Variants in CACHD1 observed in about 807,000 individuals in gnomAD.
CACHD1 encodes VWFA and cache domain-containing protein 1.
CACHD1 carries 71 observed loss-of-function variants against 138.7 expected under a neutral mutation model. The observed-to-expected ratio is 0.51, with a 90% CI of 0.42 to 0.62. The LOEUF (loss-of-function observed/expected upper bound fraction) is 0.62. Ranked by LOEUF, CACHD1 falls within the 20% of genes least tolerant of loss-of-function variation. The pLI is 0.00. For synonymous variants in CACHD1, 578 were observed against 591.5 expected, an observed-to-expected ratio of 0.98 and a Z score of 0.33; for missense variants, 1,389 against 1,625.3, an observed-to-expected ratio of 0.85 and a Z score of 2.50.
chr1:64,632,351 T>C (rs754731587), intron 5 of CACHD1, among the ~76,000 whole-genome samples: 4 of 152,068 alleles, frequency 2.6e-5, no homozygotes, highest in Non-Finnish European at 5.9e-5. Context: ...AAAACTTCTC[T>C]TGTCTGCTTT....
chr1:64,500,350 A>G (rs577843304), intron 1 of CACHD1, among the ~76,000 whole-genome samples: 12 of 152,298 alleles, frequency 7.9e-5, no homozygotes, highest in African/African-American at 1.7e-4. Flanking sequence ...TGTCTTCAAC[A>G]TATGTGCCTG....
intron 7 of CACHD1, among the ~76,000 whole-genome samples, chr1:64,635,145 C>G (rs1312284824): frequency 6.6e-6 from 1 of 152,026 alleles, no homozygotes; most frequent in Non-Finnish European, 1.5e-5. Context: ...TAGAGCCTCC[C>G]CTTCCTGCCC....
At chr1:64,582,072 C>A in intron 2 of CACHD1, 84 bp from the exon 3 acceptor site, 1 of 1,431,200 alleles carries the variant, frequency 7.0e-7, no homozygotes, top group Non-Finnish European at 9.6e-7. Context: ...CAGCTTGTGA[C>A]ACAGATTACT....
At chr1:64,534,082 T>C (rs307793) in intron 1 of CACHD1, among the ~76,000 whole-genome samples, 124,815 of 144,810 alleles carry the variant, frequency 0.86, 54,003 homozygotes, top group Admixed American at 0.91. Flanking sequence ...CTCACTCTGT[T>C]ACCCAGGCTG....
intron 1 of CACHD1, among the ~76,000 whole-genome samples, chr1:64,530,575 T>C (rs1432571352): frequency 6.6e-6 from 1 of 152,050 alleles, no homozygotes; most frequent in South Asian, 2.1e-4. Context: ...GAATGGTTAC[T>C]TAAAAGGAAT....
At chr1:64,471,852 C>A (rs903721347) in intron 1 of CACHD1, among the ~76,000 whole-genome samples, 3 of 152,118 alleles carry the variant, frequency 2.0e-5, no homozygotes, top group African/African-American at 7.2e-5. Flanking sequence ...TCACGACCAA[C>A]AGTAGTAAAA....
chr1:64,588,452 C>T (rs934969333), intron 3 of CACHD1, among the ~76,000 whole-genome samples: 7 of 150,360 alleles, frequency 4.7e-5, no homozygotes, highest in African/African-American at 1.7e-4. Flanking sequence ...GACAGAGTCT[C>T]GCTCTGTTGT....
At chr1:64,544,769 A>G (rs912520386) in intron 1 of CACHD1, among the ~76,000 whole-genome samples, 5 of 152,180 alleles carry the variant, frequency 3.3e-5, no homozygotes, top group African/African-American at 4.8e-5. Flanking sequence ...TTAGGGAATA[A>G]AAGAAAGGAA....
chr1:64,636,063 A>G (rs1373810158), intron 7 of CACHD1, among the ~76,000 whole-genome samples: 1 of 151,646 alleles, frequency 6.6e-6, no homozygotes, highest in Non-Finnish European at 1.5e-5. Context: ...GTGAGCCAAG[A>G]TTGCGCCACT....
chr1:64,673,691 T>G (rs546322592), intron 19 of CACHD1, among the ~76,000 whole-genome samples: 1 of 152,312 alleles, frequency 6.6e-6, no homozygotes, highest in African/African-American at 2.4e-5. Context: ...GTTGGTATTT[T>G]GTTTTGGTTT....
intron 1 of CACHD1, among the ~76,000 whole-genome samples, chr1:64,523,106 A>G (rs1011394749): frequency 1.3e-5 from 2 of 152,220 alleles, no homozygotes; most frequent in Non-Finnish European, 2.9e-5. Flanking sequence ...GAAATTCTGG[A>G]ATTGCTATTA....
chr1:64,658,182 G>A (rs1223916945), intron 12 of CACHD1, among the ~76,000 whole-genome samples: 1 of 152,222 alleles, frequency 6.6e-6, no homozygotes, highest in East Asian at 1.9e-4. Flanking sequence ...CCAACCAGGA[G>A]AAGAGAAAGC....
chr1:64,515,921 G>A (rs1368828617), intron 1 of CACHD1, among the ~76,000 whole-genome samples: 3 of 152,120 alleles, frequency 2.0e-5, no homozygotes, highest in African/African-American at 4.8e-5. Flanking sequence ...TAAACTTGAA[G>A]CATGTATAAA....
In CACHD1 at chr1:64,470,565, G is replaced by T. The variant is rs1646136795; in HGVS notation, c.-180G>T. 6.6e-6 allele frequency among the ~76,000 whole-genome samples: 1 copy of T among 151,804 alleles called. No individual in the cohort carries two copies. Among genetic ancestry groups the T allele is most frequent in the African/African-American group, 2.4e-5 (1 of 41,390 alleles). On this transcript the variant is annotated 5_prime_UTR_variant, in exon 1 of 27. Coordinates refer to ENST00000651257, the MANE Select transcript of CACHD1 (RefSeq NM_020925.4). This position sits in a 1 kb window ranked among gnomAD's most constrained non-coding sequence, Gnocchi z 5.2. ...GAGCCCCGCGATGGTGGCCGCCCGC[G>T]CTCCCGCGCTGTAGCCGGGCGCCCC...
At chr1:64,482,044 C>G (rs1018893738) in intron 1 of CACHD1, among the ~76,000 whole-genome samples, 1 of 152,094 alleles carries the variant, frequency 6.6e-6, no homozygotes, top group Non-Finnish European at 1.5e-5. Context: ...TATATCATCT[C>G]TGATATAAAT....
intron 3 of CACHD1, among the ~76,000 whole-genome samples, chr1:64,595,696 G>A (rs1380396001): frequency 6.6e-6 from 1 of 152,226 alleles, no homozygotes; most frequent in Non-Finnish European, 1.5e-5. Flanking sequence ...AATTTTCCAA[G>A]CTTTTATGAG....
intron 2 of CACHD1, among the ~76,000 whole-genome samples, chr1:64,564,894 G>A (rs1274217158): frequency 2.0e-5 from 3 of 152,130 alleles, no homozygotes; most frequent in African/African-American, 7.2e-5. Context: ...CTTGAATTGT[G>A]TACTGAGCCA....
chr1:64,675,702 G>A (rs1649963073), intron 20 of CACHD1, 141 bp downstream of exon 20: 2 of 1,082,356 alleles, frequency 1.8e-6, no homozygotes, highest in Non-Finnish European at 2.7e-6. Context: ...GCCACTTAGA[G>A]CTGTGCCGTT....
Position 64,604,520 on chromosome 1 carries a change from A to G in CACHD1, c.517+1608A>G, listed in dbSNP as rs570353275. ...TAAAACATTCCCAGGTACATGAGAG[A>G]TGTTGCTTGTTCTGAAGACTTGAGG... On this transcript the variant is annotated intron_variant, in intron 4 of 26. Coordinates refer to ENST00000651257, the MANE Select transcript of CACHD1 (RefSeq NM_020925.4). Among the ~76,000 whole-genome samples, 39 of 152,298 alleles carry G rather than the reference A, an allele frequency of 2.6e-4. 1 individual carries two copies. In the South Asian group the frequency reaches 7.9e-3, roughly 31 times the overall value.
Sources: allele counts gnomAD v4.1 joint callset (sites outside exome capture counted in the v4.1 genomes callset), GRCh38; gene constraint gnomAD v4.1.1; non-coding constraint Gnocchi (gnomAD v3.1); transcripts MANE v1.5; gene names NCBI Gene and HGNC (gene_info 2026-07-23, HGNC 2026-07-21).